Variants in ZDHHC22 observed in about 807,000 individuals in gnomAD.
The protein encoded by ZDHHC22 is zDHHC palmitoyltransferase 22.
In ZDHHC22, 13 loss-of-function variants were observed where a neutral mutation model predicts 17.0. The ratio of observed to expected loss-of-function variants is 0.76; its 90% CI spans 0.50 to 1.21. The LOEUF (loss-of-function observed/expected upper bound fraction) is 1.21, where lower values mean the gene tolerates loss of function less well. Among genes scored for constraint, ZDHHC22 ranks in the 50% most tolerant of loss-of-function variants. The pLI, the probability that ZDHHC22 is intolerant of heterozygous loss-of-function variation, is 0.00. For missense variants in ZDHHC22, 319 were observed against 342.3 expected (o/e 0.93, Z 0.54); for synonymous variants, 138 against 154.7 (o/e 0.89, Z 0.80).
rs1240327931 is a variant in ZDHHC22 at position 77,133,772 on chromosome 14, G to T, written c.703C>A (p.Gln235Lys). ...AGCCACCTCTTTCCGAAGACCTCTT[G>T]TAAGTTCTTGCGCCAGGGCCGGGCC... ...VRARPWRKNL[Q>K]EVFGKRWLLG... Residue 235 changes from glutamine to lysine, a missense_variant, in exon 3 of 3, where the codon CAA (glutamine) becomes AAA (lysine). By Grantham distance (53) the Gln-to-Lys change is moderately conservative. Transcript: ENST00000319374. 3 of 1,614,048 alleles carry T rather than the reference G, an allele frequency of 1.9e-6. No homozygotes were observed. Among genetic ancestry groups the T allele is most frequent in the Non-Finnish European group, 2.5e-6 (3 of 1,179,898 alleles).
Position 77,139,709 on chromosome 14 carries a change from C to T in ZDHHC22, c.30G>A (p.Val10=). 1 of 1,521,840 alleles carries T rather than the reference C, an allele frequency of 6.6e-7. No individual in the cohort carries two copies. The highest frequency in any genetic ancestry group is 8.8e-7 in the Non-Finnish European group (1 of 1,134,896). The allele number at this position is 1,521,840 out of a possible 1,614,324, so 94.3% of individuals were successfully genotyped here. A position where few individuals can be genotyped will look rare whatever the true frequency, so the allele number is the denominator to read the frequency against. The change falls in exon 2 of 3, where the codon GTG becomes GTA. Residue 10 remains valine (V), a synonymous_variant. Coordinates refer to ENST00000319374, the MANE Select transcript of ZDHHC22 (RefSeq NM_174976.2). The stretch of plus-strand genomic sequence containing the variant: ...AGATGCACAAGAAGTAGGCGGGGGC[C>T]ACCACGTTGAGCAGCCGCAGGGCCA... MLALRLLNV[V]APAYFLCISL... is the part of the protein sequence containing the mutation.
intron 2 of ZDHHC22, among the ~76,000 whole-genome samples, chr14:77,136,966 C>G (rs1887148009): frequency 6.6e-6 from 1 of 152,100 alleles, no homozygotes; most frequent in Non-Finnish European, 1.5e-5. Context: ...ATTTTTGTAG[C>G]AACGGAGTCT....
At position 77,132,585 on chromosome 14, in the gene ZDHHC22, T is replaced by G. The variant is rs955013536; in HGVS notation, c.*1098A>C. ...CTGTACAGAAATCCCTTCCACAGCATGCCTGGCAGACGACTGCCTAGACTC... is the reference window on the plus strand; with the variant it reads ...CTGTACAGAAATCCCTTCCACAGCAGGCCTGGCAGACGACTGCCTAGACTC... On this transcript the variant is annotated 3_prime_UTR_variant, in exon 3 of 3. Coordinates refer to ENST00000319374, the MANE Select transcript of ZDHHC22 (RefSeq NM_174976.2). 2.6e-5 allele frequency: 4 copies of G among 152,190 alleles called. No individual in the cohort carries two copies. Among genetic ancestry groups the G allele is most frequent in the African/African-American group, 7.2e-5 (3 of 41,430 alleles). The allele number at this position is 152,190 out of a possible 1,614,324, so 9.4% of individuals were successfully genotyped here.
rs1231841741 is a variant in ZDHHC22 at position 77,131,936 on chromosome 14, T to A, written c.*1747A>T. ...TGGAGCCAATACTACATTAGCTCTC[T>A]AGGGGGTGTGAAGGCAGAACCACAG... On this transcript the variant is annotated 3_prime_UTR_variant, in exon 3 of 3. Coordinates refer to ENST00000319374, the MANE Select transcript of ZDHHC22 (RefSeq NM_174976.2). The A allele has an allele frequency of 6.6e-6, 1 of 152,218 alleles. No individual in the cohort carries two copies. The highest frequency in any genetic ancestry group is 6.5e-5 in the Admixed American group (1 of 15,280). The allele number at this position is 152,218 out of a possible 1,614,324, so 9.4% of individuals were successfully genotyped here. A position where few individuals can be genotyped will look rare whatever the true frequency, so the allele number is the denominator to read the frequency against.
rs1300054827 is a variant in ZDHHC22 at position 77,133,819 on chromosome 14, A to G, written c.656T>C (p.Val219Ala). 6.2e-7 allele frequency: 1 copy of G among 1,613,884 alleles called. No homozygotes were observed. Among genetic ancestry groups the G allele is most frequent in the Non-Finnish European group, 8.5e-7 (1 of 1,179,864 alleles). Residue 219 changes from valine (V) to alanine (A), a missense_variant, in exon 3 of 3, where the codon GTG becomes GCG. Transcript: ENST00000319374. ...GGCCCTCACTGCCACCCCCTTCCGCACCTGGTGGCGGGTCTGCCCGCGGAG... is the reference window on the plus strand; with the variant it reads ...GGCCCTCACTGCCACCCCCTTCCGCGCCTGGTGGCGGGTCTGCCCGCGGAG... The part of the protein sequence containing the change: ...LILRGQTRHQ[V>A]RKGVAVRARP...
At chr14:77,141,091 C>T (rs1887245262) in intron 1 of ZDHHC22, 1 of 152,312 alleles carries the variant, frequency 6.6e-6, no homozygotes, top group Non-Finnish European at 1.5e-5. Context: ...GCGTGGGCCT[C>T]TCCCTACCGC....
chr14:77,141,447 G>T (rs1887253842), intron 1 of ZDHHC22, 156 bp downstream of exon 1: 1 of 152,746 alleles, frequency 6.5e-6, no homozygotes, highest in Admixed American at 6.5e-5. Context: ...CGCCTCGCCC[G>T]CGGCAGAGGG....
intron 1 of ZDHHC22, 118 bp from the exon 2 acceptor site, chr14:77,139,870 C>T: frequency 9.0e-7 from 1 of 1,107,022 alleles, no homozygotes; most frequent in Non-Finnish European, 1.2e-6. Flanking sequence ...CCCCAACCCC[C>T]TGTCCCGCGG....
At chr14:77,134,867 C>T (rs12372893) in intron 2 of ZDHHC22, among the ~76,000 whole-genome samples, 30,813 of 152,118 alleles carry the variant, frequency 0.2, 3,711 homozygotes, top group Middle Eastern at 0.31. Flanking sequence ...ATAACACTAA[C>T]GATTTCATAC....
intron 2 of ZDHHC22, among the ~76,000 whole-genome samples, chr14:77,138,498 C>T (rs1887180167): frequency 6.6e-6 from 1 of 151,918 alleles, no homozygotes; most frequent in Non-Finnish European, 1.5e-5. Flanking sequence ...GTAGAGGTTA[C>T]AGTAAGCAGA....
At position 77,133,717 on chromosome 14, in the gene ZDHHC22, A is replaced by C. The variant is rs373816660; in HGVS notation, c.758T>G (p.Val253Gly). 1.2e-6 allele frequency: 2 copies of C among 1,613,942 alleles called. No individual in the cohort carries two copies. Among genetic ancestry groups the C allele is most frequent in the East Asian group, 2.2e-5 (1 of 44,880 alleles). Residue 253 changes from valine to glycine, a missense_variant, in exon 3 of 3, where the codon GTC becomes GGC. Physicochemically the swap from Val to Gly is moderately radical, Grantham distance 109. Transcript: ENST00000319374. ...LLGLLVPMFN[V>G]GSESSKQQDK ...CTGCTGCTTGGAGCTCTCACTTCCG[A>C]CATTGAACATGGGGACCAGCAGGCC...
intron 2 of ZDHHC22, among the ~76,000 whole-genome samples, chr14:77,134,209 A>C (rs540824672): frequency 6.6e-6 from 1 of 152,288 alleles, no homozygotes; most frequent in Non-Finnish European, 1.5e-5. Context: ...AAGTTTGATG[A>C]GCTTAGCAAG....
At chr14:77,142,233 T>A (rs149601862), upstream of ZDHHC22, 141 of 152,404 alleles carry the variant, frequency 9.3e-4, 1 homozygote, top group African/African-American at 3.2e-3. Context: ...GATCTCAGAT[T>A]CCAGTTTCTT....
chr14:77,134,057 T>G, intron 2 of ZDHHC22, 109 bp from the exon 3 acceptor site: 1 of 1,300,954 alleles, frequency 7.7e-7, no homozygotes, highest in Non-Finnish European at 1.0e-6. Context: ...TTAATGAGAT[T>G]GACGCTACAT....
chr14:77,135,780 G>A (rs1378957847), intron 2 of ZDHHC22, among the ~76,000 whole-genome samples: 1 of 152,224 alleles, frequency 6.6e-6, no homozygotes, highest in Non-Finnish European at 1.5e-5. Flanking sequence ...GAACAAGCCT[G>A]GGTGGATGGA....
chr14:77,134,390 G>T (rs531321406), intron 2 of ZDHHC22, among the ~76,000 whole-genome samples: 1 of 152,116 alleles, frequency 6.6e-6, no homozygotes, highest in Admixed American at 6.5e-5. Context: ...CAGGTGCCTG[G>T]GCAGCTGTCT....
rs769555156 is a variant in ZDHHC22, at chr14:77,133,650, CAG to C, written c.*31_*32del. ...GTTTTATGCTCAGGAGGAGTCAAGA[CAG>C]AGACAGAGAGATAAATGACGGGAGT... On this transcript the variant is annotated 3_prime_UTR_variant, in exon 3 of 3. Coordinates refer to ENST00000319374, the MANE Select transcript of ZDHHC22 (RefSeq NM_174976.2). The C allele has an allele frequency of 1.6e-5, 26 of 1,589,590 alleles. No individual in the cohort carries two copies. In the Middle Eastern group the frequency reaches 5.0e-4, roughly 31 times the overall value.
intron 2 of ZDHHC22, among the ~76,000 whole-genome samples, chr14:77,137,145 G>C (rs1164444688): frequency 6.6e-6 from 1 of 152,160 alleles, no homozygotes; most frequent in Non-Finnish European, 1.5e-5. Flanking sequence ...CAAACAGGTG[G>C]GGTGTATGTC....
At position 77,131,835 on chromosome 14, in the gene ZDHHC22, C is replaced by G. The variant is rs575891025; in HGVS notation, c.*1848G>C. ...GCCAGTGCCTGGAAGAGGCTGGGAACGTAGTTGGCACTCAATAAATATACG... is the reference window on the plus strand; with the variant it reads ...GCCAGTGCCTGGAAGAGGCTGGGAAGGTAGTTGGCACTCAATAAATATACG... On this transcript the variant is annotated 3_prime_UTR_variant, in exon 3 of 3. Coordinates refer to ENST00000319374, the MANE Select transcript of ZDHHC22 (RefSeq NM_174976.2). 453 of 152,244 alleles carry G rather than the reference C, an allele frequency of 3.0e-3. 3 individuals are homozygous for G. The highest frequency in any genetic ancestry group is 4.2e-3 in the Non-Finnish European group (283 of 68,050). The allele number at this position is 152,244 out of a possible 1,614,324, so 9.4% of individuals were successfully genotyped here.
Sources: gnomAD v4.1 joint callset for allele counts (sites outside exome capture counted in the v4.1 genomes callset) on GRCh38, gnomAD v4.1.1 for gene constraint, MANE v1.5 for transcripts, NCBI Gene and HGNC (gene_info 2026-07-23, HGNC 2026-07-21) for gene names.